The following MCTP2 variants were observed in gnomAD, a reference collection of about 807,000 sequenced individuals.
MCTP2 encodes the protein multiple C2 and transmembrane domain-containing protein 2.
A neutral mutation model predicts 111.6 loss-of-function variants in MCTP2; 132 were observed. That is an observed-to-expected ratio of 1.18 (90% CI 1.03 to 1.37). The LOEUF (loss-of-function observed/expected upper bound fraction) is 1.37. Among genes scored for constraint, MCTP2 ranks in the 40% most tolerant of loss-of-function variants. MCTP2 has a pLI of 0.00. For synonymous variants in MCTP2, 395 were observed against 387.7 expected (o/e 1.02, Z -0.22); for missense variants, 1,183 against 1,067.9 (o/e 1.11, Z -1.50).
intron 4 of MCTP2, among the ~76,000 whole-genome samples, chr15:94,325,150 T>C (rs1478518586): frequency 6.6e-6 from 1 of 152,044 alleles, no homozygotes; most frequent in Non-Finnish European, 1.5e-5. Flanking sequence ...ATGCGTGGGC[T>C]TTGGACATGG....
chr15:94,412,931 C>G (rs2082216804), intron 17 of MCTP2, among the ~76,000 whole-genome samples: 1 of 152,052 alleles, frequency 6.6e-6, no homozygotes, highest in African/African-American at 2.4e-5. Context: ...CCGACTGTGG[C>G]CTCATTAACT....
At chr15:94,264,862 A>C (rs1447913817) in intron 1 of MCTP2, among the ~76,000 whole-genome samples, 1 of 152,208 alleles carries the variant, frequency 6.6e-6, no homozygotes, top group East Asian at 1.9e-4. Context: ...ATATTAGAAC[A>C]AACTAGGAGG....
chr15:94,251,516 G>A (rs1487018995), intron 1 of MCTP2, among the ~76,000 whole-genome samples: 3 of 151,580 alleles, frequency 2.0e-5, no homozygotes, highest in Non-Finnish European at 2.9e-5. Flanking sequence ...CCGCCACCAC[G>A]CCTGGCTAAT....
intron 10 of MCTP2, 48 bp downstream of exon 10, chr15:94,358,660 G>A: frequency 1.9e-6 from 3 of 1,602,332 alleles, no homozygotes; most frequent in Non-Finnish European, 2.6e-6. Context: ...TCTGCATGGG[G>A]CTGGTTCTGA....
chr15:94,413,920 A>C (rs1017273625), intron 17 of MCTP2, among the ~76,000 whole-genome samples: 2 of 152,108 alleles, frequency 1.3e-5, no homozygotes, highest in African/African-American at 4.8e-5. Flanking sequence ...GCTTTTTGTG[A>C]CTATATATAT....
intron 18 of MCTP2, among the ~76,000 whole-genome samples, chr15:94,442,561 T>C (rs74477306): frequency 3.3e-5 from 5 of 152,232 alleles, no homozygotes; most frequent in Non-Finnish European, 7.3e-5. Flanking sequence ...AGCCCAGCAC[T>C]AGTGGAGTAT....
chr15:94,434,308 C>T (rs891351010), intron 17 of MCTP2, among the ~76,000 whole-genome samples: 2 of 151,986 alleles, frequency 1.3e-5, no homozygotes, highest in Non-Finnish European at 2.9e-5. Context: ...AAACTCCTGG[C>T]TTCAAACAGA....
chr15:94,369,528 G>A (rs563858739), intron 11 of MCTP2, among the ~76,000 whole-genome samples: 21 of 152,272 alleles, frequency 1.4e-4, no homozygotes, highest in African/African-American at 5.1e-4. Context: ...CAAGGCTAAA[G>A]TAAATATGAA....
intron 17 of MCTP2, among the ~76,000 whole-genome samples, chr15:94,419,754 TTA>T (rs2082539410): frequency 8.1e-6 from 1 of 123,010 alleles, no homozygotes; most frequent in Admixed American, 7.8e-5. Context: ...CACATACTGC[TTA>T]TTTTTTTTTT....
At position 94,340,899 on chromosome 15, in the gene MCTP2, T is replaced by C. The variant is rs1396236847; in HGVS notation, c.944T>C (p.Val315Ala). The C allele has an allele frequency of 6.2e-7, 1 of 1,609,592 alleles. No individual in the cohort carries two copies. The highest frequency in any genetic ancestry group is 8.5e-7 in the Non-Finnish European group (1 of 1,176,130). ...GVIVLNLNLVVKQGDFKRHRW... is the reference protein window; with the variant it reads ...GVIVLNLNLVAKQGDFKRHRW... ...ATCGTGTTAAATTTGAACCTAGTGG[T>C]AAAACAGGGTGATTTCAAGAGACAC... Residue 315 changes from valine (V) to alanine (A), a missense_variant, in exon 7 of 23, where the codon GTA becomes GCA. Physicochemically the swap from Val to Ala is moderately conservative, Grantham distance 64. Coordinates refer to ENST00000357742, the MANE Select transcript of MCTP2 (RefSeq NM_001385001.1).
At chr15:94,346,572 A>G (rs1024946507) in intron 8 of MCTP2, among the ~76,000 whole-genome samples, 5 of 152,212 alleles carry the variant, frequency 3.3e-5, no homozygotes, top group Admixed American at 3.3e-4. Flanking sequence ...CTGACAAAGC[A>G]GTATTTTCTC....
rs181949525 is a variant in MCTP2 at position 94,464,151 on chromosome 15, G to C, written c.2360+5905G>C. On this transcript the variant is annotated intron_variant, in intron 20 of 22. Transcript: ENST00000357742. ...AGTTTGATATCATTACTTCCTTTAA[G>C]ATTTATAGAATTAGCTGCTGAAGCA... is the stretch of plus-strand genomic sequence containing the variant. 2.5e-3 allele frequency among the ~76,000 whole-genome samples: 361 copies of C among 146,782 alleles called. 2 individuals are homozygous for C. The highest frequency in any genetic ancestry group is 4.4e-3 in the Non-Finnish European group (294 of 66,756).
intron 14 of MCTP2, among the ~76,000 whole-genome samples, chr15:94,389,547 A>C (rs1258549393): frequency 6.6e-6 from 1 of 151,956 alleles, no homozygotes; most frequent in Non-Finnish European, 1.5e-5. Context: ...ATCAAAGGAC[A>C]CCCTTAGATT....
At chr15:94,463,764 TTGCTA>T (rs1297270457) in intron 20 of MCTP2, among the ~76,000 whole-genome samples, 3 of 152,176 alleles carry the variant, frequency 2.0e-5, no homozygotes, top group Admixed American at 2.0e-4. Flanking sequence ...TATTCCTAGT[TTGCTA>T]TGAGTTTTTA....
At chr15:94,276,932 A>G (rs2074246978) in intron 1 of MCTP2, among the ~76,000 whole-genome samples, 2 of 129,416 alleles carry the variant, frequency 1.5e-5, no homozygotes, top group Admixed American at 1.7e-4. Context: ...ACTGTTACGT[A>G]TTGAGTTGGA....
intron 21 of MCTP2, among the ~76,000 whole-genome samples, chr15:94,474,335 G>A (rs904715425): frequency 6.6e-6 from 1 of 152,106 alleles, no homozygotes; most frequent in Non-Finnish European, 1.5e-5. Flanking sequence ...CCTCTGCATT[G>A]TTGTAGAATT....
intron 1 of MCTP2, among the ~76,000 whole-genome samples, chr15:94,243,616 T>C (rs548924268): frequency 1.4e-4 from 21 of 149,980 alleles, no homozygotes; most frequent in African/African-American, 4.9e-4. Context: ...CACGCATATG[T>C]GTATATACGC....
At chr15:94,389,052 C>T (rs763423912) in intron 14 of MCTP2, among the ~76,000 whole-genome samples, 80 of 152,154 alleles carry the variant, frequency 5.3e-4, no homozygotes, top group Middle Eastern at 3.4e-3. Context: ...GCAATAAACA[C>T]GTAAGACCCA....
intron 21 of MCTP2, among the ~76,000 whole-genome samples, chr15:94,470,907 C>T (rs950331457): frequency 8.5e-5 from 13 of 152,074 alleles, no homozygotes; most frequent in Non-Finnish European, 1.9e-4. Flanking sequence ...AATCCAGAAG[C>T]AGGGAGAGGG....
Sources: gnomAD v4.1 joint callset for allele counts (sites outside exome capture counted in the v4.1 genomes callset) on GRCh38, gnomAD v4.1.1 for gene constraint, MANE v1.5 for transcripts, NCBI Gene and HGNC (gene_info 2026-07-23, HGNC 2026-07-21) for gene names.